CTNNA3: variants seen among roughly 807,000 people sequenced by gnomAD.
CTNNA3 encodes catenin alpha 3.
CTNNA3 carries 76 observed loss-of-function variants against 95.7 expected under a neutral mutation model. That is an observed-to-expected ratio of 0.79 (90% CI 0.66 to 0.96). CTNNA3 has a LOEUF of 0.96. Ranked by LOEUF, CTNNA3 falls within the 40% of genes least tolerant of loss-of-function variation. The probability of loss-of-function intolerance (pLI) is 0.00; values close to 1 mark genes in which losing one functional copy is unlikely to be tolerated. For synonymous variants in CTNNA3, 431 were observed against 374.4 expected (o/e 1.15, Z -1.74); for missense variants, 1,191 against 1,089.8 (o/e 1.09, Z -1.31).
intron 5 of CTNNA3, among the ~76,000 whole-genome samples, chr10:67,228,843 C>T (rs772329514): frequency 6.6e-6 from 1 of 151,938 alleles, no homozygotes; most frequent in Non-Finnish European, 1.5e-5. Flanking sequence ...AAATTACCAA[C>T]AAAAAAATCC....
intron 12 of CTNNA3, among the ~76,000 whole-genome samples, chr10:66,296,544 T>G (rs1258161679): frequency 1.3e-5 from 2 of 151,370 alleles, no homozygotes; most frequent in Non-Finnish European, 3.0e-5. Context: ...CACACACACA[T>G]GTGTGTGCAT....
intron 12 of CTNNA3, among the ~76,000 whole-genome samples, chr10:66,296,547 G>A (rs1276609180): frequency 6.6e-6 from 1 of 151,480 alleles, no homozygotes; most frequent in Non-Finnish European, 1.5e-5. Flanking sequence ...ACACACATGT[G>A]TGTGCATGCG....
intron 7 of CTNNA3, among the ~76,000 whole-genome samples, chr10:66,810,494 GATC>G (rs750037650): frequency 2.6e-5 from 4 of 152,052 alleles, no homozygotes; most frequent in Non-Finnish European, 5.9e-5. Context: ...CTCAATTTCA[GATC>G]TCCCATCCAT....
intron 11 of CTNNA3, among the ~76,000 whole-genome samples, chr10:66,455,794 G>C (rs1219377120): frequency 1.3e-5 from 2 of 152,156 alleles, no homozygotes; most frequent in Non-Finnish European, 2.9e-5. Context: ...GCTCACTCTT[G>C]AATTATCTTC....
At chr10:66,978,344 G>A (rs942215399) in intron 7 of CTNNA3, among the ~76,000 whole-genome samples, 1 of 151,280 alleles carries the variant, frequency 6.6e-6, no homozygotes, top group African/African-American at 2.4e-5. Context: ...TGGCCAACAT[G>A]GCAAAACCCT....
Position 66,196,000 on chromosome 10 carries a change from A to G in CTNNA3, c.1884+84470T>C, listed in dbSNP as rs377571118. The stretch of plus-strand genomic sequence containing the variant: ...ACAAAGCAATTGGATGTTCTTAGCA[A>G]GAATATTCATATCAGAAGAATTCTA... On this transcript the variant is annotated intron_variant, in intron 13 of 17. Coordinates refer to ENST00000433211, the MANE Select transcript of CTNNA3 (RefSeq NM_013266.4). Among the ~76,000 whole-genome samples, 85 of 152,336 alleles carry G rather than the reference A, an allele frequency of 5.6e-4. 1 individual carries two copies. The highest frequency in any genetic ancestry group is 9.8e-4 in the Non-Finnish European group (67 of 68,034).
intron 11 of CTNNA3, among the ~76,000 whole-genome samples, chr10:66,514,646 A>C (rs1840774969): frequency 6.6e-6 from 1 of 151,998 alleles, no homozygotes; most frequent in Non-Finnish European, 1.5e-5. Flanking sequence ...ACTACCTTTT[A>C]CTCATTGTTC....
chr10:66,187,115 A>T (rs1452132785), intron 13 of CTNNA3, among the ~76,000 whole-genome samples: 1 of 152,136 alleles, frequency 6.6e-6, no homozygotes, highest in African/African-American at 2.4e-5. Context: ...AGCAACTGTC[A>T]TTATTTGACT....
At chr10:66,557,326 A>T (rs1842422631) in intron 10 of CTNNA3, among the ~76,000 whole-genome samples, 1 of 152,106 alleles carries the variant, frequency 6.6e-6, no homozygotes, top group African/African-American at 2.4e-5. Context: ...TTGTTGACTA[A>T]ATGACTACTA....
intron 7 of CTNNA3, chr10:66,928,036 G>A (rs747622871): frequency 6.2e-7 from 1 of 1,614,082 alleles, no homozygotes; most frequent in Middle Eastern, 1.6e-4. Flanking sequence ...TCTGGCCAGG[G>A]CTCTCCCAAA....
At chr10:66,768,280 G>T (rs1313490592) in intron 8 of CTNNA3, among the ~76,000 whole-genome samples, 1 of 150,986 alleles carries the variant, frequency 6.6e-6, no homozygotes, top group East Asian at 2.0e-4. Context: ...GGAAAGCTCA[G>T]ATGAAATCTA....
At chr10:66,603,456 A>G (rs914493345) in intron 10 of CTNNA3, among the ~76,000 whole-genome samples, 1 of 152,166 alleles carries the variant, frequency 6.6e-6, no homozygotes, top group African/African-American at 2.4e-5. Context: ...AAAAAATGGA[A>G]ACATATTCTA....
rs143180481 is a variant in CTNNA3 at position 67,715,812 on chromosome 10, TG to T, written c.-2+47621del. Among the ~76,000 whole-genome samples the T allele has an allele frequency of 3.6e-3, 544 of 152,338 alleles. 4 individuals are homozygous for T. Among genetic ancestry groups the T allele is most frequent in the African/African-American group, 0.012 (515 of 41,584 alleles). On this transcript the variant is annotated intron_variant, in intron 1 of 17. Transcript: ENST00000684154. ...GTTCCATCTGAAAGACCAATCTGCCTGGAACTGGCTGGGCTGTATATTGCAA... is the reference window on the plus strand; with the variant it reads ...GTTCCATCTGAAAGACCAATCTGCCTGAACTGGCTGGGCTGTATATTGCAA...
chr10:67,594,141 G>T (rs576608207), intron 3 of CTNNA3, among the ~76,000 whole-genome samples: 7 of 152,268 alleles, frequency 4.6e-5, no homozygotes, highest in Middle Eastern at 3.4e-3. Context: ...TTGATGTGCT[G>T]CTGGATTCAG....
At chr10:67,277,826 TTACA>T in intron 5 of CTNNA3, among the ~76,000 whole-genome samples, 1 of 152,236 alleles carries the variant, frequency 6.6e-6, no homozygotes, top group South Asian at 2.1e-4. Context: ...TGTCAGGAAG[TTACA>T]CTGTCTGGTT....
intron 5 of CTNNA3, among the ~76,000 whole-genome samples, chr10:67,331,005 C>T (rs1229538476): frequency 1.3e-5 from 2 of 152,172 alleles, no homozygotes; most frequent in Non-Finnish European, 2.9e-5. Context: ...CTTTAAACCA[C>T]AAATCAAGCA....
At chr10:66,525,460 G>A (rs926004020) in intron 10 of CTNNA3, among the ~76,000 whole-genome samples, 2 of 152,076 alleles carry the variant, frequency 1.3e-5, no homozygotes, top group African/African-American at 4.8e-5. Flanking sequence ...AGGAGAAGTT[G>A]TCAACTTGAC....
chr10:67,182,787 C>T (rs1318746903), intron 6 of CTNNA3, among the ~76,000 whole-genome samples: 1 of 152,164 alleles, frequency 6.6e-6, no homozygotes, highest in Non-Finnish European at 1.5e-5. Context: ...GCAATCTACT[C>T]ATGTAACAAA....
chr10:67,620,923 G>GTGTGTGTATATATATATATATA (rs1402402526), intron 2 of CTNNA3, among the ~76,000 whole-genome samples: 2 of 123,808 alleles, frequency 1.6e-5, no homozygotes, highest in African/African-American at 6.1e-5. Context: ...GTGTGTGTGT[G>GTGTGTGTATATATATATATATA]TATATATATA....
Sources: allele counts gnomAD v4.1 joint callset (sites outside exome capture counted in the v4.1 genomes callset), GRCh38; gene constraint gnomAD v4.1.1; transcripts MANE v1.5; gene names NCBI Gene and HGNC (gene_info 2026-07-23, HGNC 2026-07-21).